Variants in SCUBE3 observed in about 807,000 individuals in gnomAD.
SCUBE3 encodes the protein signal peptide, CUB domain and EGF like domain containing 3.
In SCUBE3, 33 loss-of-function variants were observed where a neutral mutation model predicts 116.8. The observed-to-expected ratio is 0.28, with a 90% CI of 0.21 to 0.38. SCUBE3 has a LOEUF of 0.38. Among genes scored for constraint, SCUBE3 ranks in the 10% least tolerant of loss-of-function variants. The probability of loss-of-function intolerance (pLI) is 1.00; values close to 1 mark genes in which losing one functional copy is unlikely to be tolerated. For synonymous variants in SCUBE3, 418 were observed against 496.9 expected (o/e 0.84, Z 2.11); for missense variants, 1,007 against 1,324.8 (o/e 0.76, Z 3.72).
chr6:35,228,495 T>G lies in SCUBE3; in HGVS notation c.209-119T>G. 1 of 944,104 alleles carries G rather than the reference T, an allele frequency of 1.1e-6. No homozygotes were observed. Among genetic ancestry groups the G allele is most frequent in the South Asian group, 2.4e-5 (1 of 41,548 alleles). The allele number at this position is 944,104 out of a possible 1,614,324, so 58.5% of individuals were successfully genotyped here. ...TTAGGTTTAAATGAAAACAGAAAAA[T>G]GCTAAATGGCTTATAGGCCATGAAC... On this transcript the variant is annotated intron_variant, in intron 2 of 21. Coordinates refer to ENST00000274938, the MANE Select transcript of SCUBE3 (RefSeq NM_152753.4). The surrounding 1 kb of genome is among the most constrained non-coding windows in gnomAD (Gnocchi z 4.9).
At chr6:35,247,724 G>C (rs1454351365) in intron 21 of SCUBE3, among the ~76,000 whole-genome samples, 2 of 152,190 alleles carry the variant, frequency 1.3e-5, no homozygotes, top group Non-Finnish European at 2.9e-5. Flanking sequence ...GTAAGAGGCT[G>C]AAACCCCTAC....
intron 1 of SCUBE3, chr6:35,223,325 T>C (rs1158059056): frequency 6.6e-6 from 1 of 152,252 alleles, no homozygotes; most frequent in Non-Finnish European, 1.5e-5. Flanking sequence ...ATGATGAATA[T>C]TATTCCCACA....
Position 35,235,366 on chromosome 6 carries a change from G to C in SCUBE3, c.712+2065G>C, listed in dbSNP as rs1050478217. On this transcript the variant is annotated intron_variant, in intron 6 of 21. Coordinates refer to ENST00000274938, the MANE Select transcript of SCUBE3 (RefSeq NM_152753.4). This position sits in a 1 kb window ranked among gnomAD's most constrained non-coding sequence, Gnocchi z 4.5. ...GTTTGGGCTGGCAGTGGGGAGGAGA[G>C]GGTGGGGAGGGGTCCGGGGCCAGAG... 3.4e-6 allele frequency: 2 copies of C among 591,078 alleles called. No homozygotes were observed. The highest frequency in any genetic ancestry group is 5.7e-6 in the Non-Finnish European group (2 of 350,952). 36.6% of individuals were successfully genotyped at this position (591,078 alleles called of 1,614,324 possible). A position where few individuals can be genotyped will look rare whatever the true frequency, so the allele number is the denominator to read the frequency against.
Position 35,245,638 on chromosome 6 carries a change from G to A in SCUBE3, c.2599+213G>A, listed in dbSNP as rs976340610. Among the ~76,000 whole-genome samples the A allele has an allele frequency of 1.3e-5, 2 of 152,222 alleles. No homozygotes were observed. The highest frequency in any genetic ancestry group is 4.8e-5 in the African/African-American group (2 of 41,446). On this transcript the variant is annotated intron_variant, in intron 19 of 21. Coordinates refer to ENST00000274938, the MANE Select transcript of SCUBE3 (RefSeq NM_152753.4). The surrounding 1 kb of genome is among the most constrained non-coding windows in gnomAD (Gnocchi z 4.2). ...GAAAACAGAGTTAAGAAAGCTAGCA[G>A]TGGGGCTAGAACTCCAATGGCGTTA...
chr6:35,241,516 T>G lies in SCUBE3; in HGVS notation c.1196-27T>G, dbSNP rs377404556. Reference sequence around the variant, plus strand: ...AACTGAGGGAAAGGAATGCATTCATTTGCTCAGGCCTCTCTCCCCTTCCTA... The same window carrying G: ...AACTGAGGGAAAGGAATGCATTCATGTGCTCAGGCCTCTCTCCCCTTCCTA... On this transcript the variant is annotated intron_variant, in intron 10 of 21. Coordinates refer to ENST00000274938, the MANE Select transcript of SCUBE3 (RefSeq NM_152753.4). This position sits in a 1 kb window ranked among gnomAD's most constrained non-coding sequence, Gnocchi z 4.1. The G allele has an allele frequency of 1.1e-4, 160 of 1,507,596 alleles. No homozygotes were observed. Among genetic ancestry groups the G allele is most frequent in the Non-Finnish European group, 1.4e-4 (157 of 1,083,210 alleles). 93.4% of individuals were successfully genotyped at this position (1,507,596 alleles called of 1,614,324 possible).
Position 35,214,323 on chromosome 6 carries a change from T to A in SCUBE3, c.-96T>A. On this transcript the variant is annotated 5_prime_UTR_variant, in exon 1 of 22. Coordinates refer to ENST00000274938, the MANE Select transcript of SCUBE3 (RefSeq NM_152753.4). This position sits in a 1 kb window ranked among gnomAD's most constrained non-coding sequence, Gnocchi z 6.3. ...GGCCTGGCCCCGGCGGGGCGCCCCC[T>A]CCCCTCCCCCTCCTGCGAGCTGGGA... 2.6e-5 allele frequency: 17 copies of A among 653,500 alleles called. No individual in the cohort carries two copies. The highest frequency in any genetic ancestry group is 4.7e-5 in the South Asian group (1 of 21,062). The allele number at this position is 653,500 out of a possible 1,614,324, so 40.5% of individuals were successfully genotyped here. A position where few individuals can be genotyped will look rare whatever the true frequency, so the allele number is the denominator to read the frequency against.
rs1018554336 is a variant in SCUBE3 at position 35,237,833 on chromosome 6, T to C, written c.713-69T>C. On this transcript the variant is annotated intron_variant, in intron 6 of 21. Transcript: ENST00000274938. Reference sequence around the variant, plus strand: ...TCCCTCGGGCCTCTGTGGTCTCCACTACCCTCAGAGTTTGGGACTCCTCCA... The same window carrying C: ...TCCCTCGGGCCTCTGTGGTCTCCACCACCCTCAGAGTTTGGGACTCCTCCA... 2.3e-5 allele frequency: 22 copies of C among 944,588 alleles called. No individual in the cohort carries two copies. The South Asian group carries it at 3.1e-4, about 13-fold the overall frequency. The allele number at this position is 944,588 out of a possible 1,614,324, so 58.5% of individuals were successfully genotyped here. A position where few individuals can be genotyped will look rare whatever the true frequency, so the allele number is the denominator to read the frequency against.
Position 35,233,391 on chromosome 6 carries a change from GC to G in SCUBE3, c.712+93del. ...CCAGGGAAGTGGAGGAGTGCATGGG[GC>G]CCAGGTGCTGGGCACAGAGGGACTG... On this transcript the variant is annotated intron_variant, in intron 6 of 21. Transcript: ENST00000274938. This position sits in a 1 kb window ranked among gnomAD's most constrained non-coding sequence, Gnocchi z 5.7. 1.2e-6 allele frequency: 1 copy of G among 808,756 alleles called. No homozygotes were observed. The highest frequency in any genetic ancestry group is 2.1e-6 in the Non-Finnish European group (1 of 466,406). 50.1% of individuals were successfully genotyped at this position (808,756 alleles called of 1,614,324 possible).
At chr6:35,215,653 C>G (rs968120884) in intron 1 of SCUBE3, among the ~76,000 whole-genome samples, 2 of 152,162 alleles carry the variant, frequency 1.3e-5, no homozygotes, top group African/African-American at 4.8e-5. Context: ...GCGTTTGGCT[C>G]TTAAGCTGCT....
At position 35,238,066 on chromosome 6, in the gene SCUBE3, T is replaced by G. The variant is rs751708820; in HGVS notation, c.829+48T>G. 5 of 1,142,800 alleles carry G rather than the reference T, an allele frequency of 4.4e-6. No individual in the cohort carries two copies. The Admixed American group carries it at 7.1e-5, about 16-fold the overall frequency. The allele number at this position is 1,142,800 out of a possible 1,614,324, so 70.8% of individuals were successfully genotyped here. ...AGCAGAGTGACCTTTGGTAAGGGGCTGAGGTTGGGACCAGAGATAGGGTGC... is the reference window on the plus strand; with the variant it reads ...AGCAGAGTGACCTTTGGTAAGGGGCGGAGGTTGGGACCAGAGATAGGGTGC... On this transcript the variant is annotated intron_variant, in intron 7 of 21. Coordinates refer to ENST00000274938, the MANE Select transcript of SCUBE3 (RefSeq NM_152753.4).
chr6:35,243,083 A>G lies in SCUBE3; in HGVS notation c.1756A>G (p.Met586Val). 4 of 1,614,206 alleles carry G rather than the reference A, an allele frequency of 2.5e-6. No individual in the cohort carries two copies. Among genetic ancestry groups the G allele is most frequent in the Non-Finnish European group, 3.4e-6 (4 of 1,180,050 alleles). ...MERRLKGSLK[M>V]LRKSINQDRF... is the part of the protein sequence containing the mutation. ...ACGGCGGCTGAAAGGATCCCTGAAG[A>G]TGCTCAGAAAGTCCATCAACCAGGA... is the stretch of plus-strand genomic sequence containing the variant. Residue 586 changes from methionine (M) to valine (V), a missense_variant, in exon 15 of 22, where the codon ATG becomes GTG. Coordinates refer to ENST00000274938, the MANE Select transcript of SCUBE3 (RefSeq NM_152753.4). This position sits in a 1 kb window ranked among gnomAD's most constrained non-coding sequence, Gnocchi z 6.6.
rs1416482111 is a variant in SCUBE3, at chr6:35,252,851, A to C, written c.*4146A>C. 2 of 152,202 alleles carry C rather than the reference A, an allele frequency of 1.3e-5. No individual in the cohort carries two copies. The highest frequency in any genetic ancestry group is 4.8e-5 in the African/African-American group (2 of 41,448). The allele number at this position is 152,202 out of a possible 1,614,324, so 9.4% of individuals were successfully genotyped here. A position where few individuals can be genotyped will look rare whatever the true frequency, so the allele number is the denominator to read the frequency against. On this transcript the variant is annotated 3_prime_UTR_variant, in exon 22 of 22. Transcript: ENST00000274938. Reference sequence around the variant, plus strand: ...TTCAGAATAATCATCGCCATGTGGGAGGCTTTTTGTTAAATGCAGAAGAAA... The same window carrying C: ...TTCAGAATAATCATCGCCATGTGGGCGGCTTTTTGTTAAATGCAGAAGAAA...
At chr6:35,227,810 T>G in intron 2 of SCUBE3, 108 bp downstream of exon 2, 94 of 972,890 alleles carry the variant, frequency 9.7e-5, no homozygotes, top group Middle Eastern at 2.6e-4. Flanking sequence ...GAAATTCCAC[T>G]GGTCAAGTGG....
rs1562046225 is a variant in SCUBE3, at chr6:35,228,874, C to T, written c.334+135C>T. On this transcript the variant is annotated intron_variant, in intron 3 of 21. Coordinates refer to ENST00000274938, the MANE Select transcript of SCUBE3 (RefSeq NM_152753.4). The surrounding 1 kb of genome is among the most constrained non-coding windows in gnomAD (Gnocchi z 4.9). ...ATTCACAAGAGAATAAGGTCAGCCTCCCCTTTGAGACTGGCCACTTAGGAT... is the reference window on the plus strand; with the variant it reads ...ATTCACAAGAGAATAAGGTCAGCCTTCCCTTTGAGACTGGCCACTTAGGAT... The T allele has an allele frequency of 1.1e-6, 1 of 935,140 alleles. No homozygotes were observed. Among genetic ancestry groups the T allele is most frequent in the Admixed American group, 2.0e-5 (1 of 48,958 alleles). The allele number at this position is 935,140 out of a possible 1,614,324, so 57.9% of individuals were successfully genotyped here.
chr6:35,240,900 T>G lies in SCUBE3; in HGVS notation c.1070-241T>G, dbSNP rs946801802. 6.6e-6 allele frequency among the ~76,000 whole-genome samples: 1 copy of G among 152,220 alleles called. No homozygotes were observed. Among genetic ancestry groups the G allele is most frequent in the Non-Finnish European group, 1.5e-5 (1 of 68,046 alleles). ...ATCTTACAGTGCCTAGAATGCCTTT[T>G]TAACTTTTTTAAATTGTAAGAATAT... On this transcript the variant is annotated intron_variant, in intron 9 of 21. Transcript: ENST00000274938. The surrounding 1 kb of genome is among the most constrained non-coding windows in gnomAD (Gnocchi z 4.6).
rs1419274969 is a variant in SCUBE3, at chr6:35,243,986, T to C, written c.2095T>C (p.Ser699Pro). 13 of 1,614,034 alleles carry C rather than the reference T, an allele frequency of 8.1e-6. No homozygotes were observed. Residue 699 changes from serine to proline, a missense_variant, in exon 17 of 22, where the codon TCT becomes CCT. Around this residue, in one of 5 missense-constraint regions of SCUBE3, gnomAD observed 544 missense variants for 638.9 expected, o/e 0.85. Coordinates refer to ENST00000274938, the MANE Select transcript of SCUBE3 (RefSeq NM_152753.4). The surrounding 1 kb of genome is among the most constrained non-coding windows in gnomAD (Gnocchi z 6.6). Reference protein sequence around the residue: ...CAGQCPPGQHSVDGFKPCQPC... With the variant: ...CAGQCPPGQHPVDGFKPCQPC... ...AGGTCAGTGCCCACCTGGCCAACACTCTGTAGATGGGTTCAAGCCCTGTCA... is the reference window on the plus strand; with the variant it reads ...AGGTCAGTGCCCACCTGGCCAACACCCTGTAGATGGGTTCAAGCCCTGTCA...
rs566807383 is a variant in SCUBE3 at position 35,250,561 on chromosome 6, T to C, written c.*1856T>C. The C allele has an allele frequency of 4.6e-5, 7 of 152,310 alleles. No individual in the cohort carries two copies. The highest frequency in any genetic ancestry group is 1.7e-4 in the African/African-American group (7 of 41,562). The allele number at this position is 152,310 out of a possible 1,614,324, so 9.4% of individuals were successfully genotyped here. ...AAGAAAGAATCAAATGGAAGAAGAA[T>C]CAAGTCCATGCCCAAGCCCAAAGCC... On this transcript the variant is annotated 3_prime_UTR_variant, in exon 22 of 22. Transcript: ENST00000274938.
In SCUBE3 at chr6:35,231,867, C is replaced by A; in HGVS notation, c.469+8C>A. The A allele has an allele frequency of 6.2e-7, 1 of 1,604,176 alleles. No individual in the cohort carries two copies. The highest frequency in any genetic ancestry group is 8.5e-7 in the Non-Finnish European group (1 of 1,172,538). On this transcript the variant is annotated splice_region_variant and intron_variant, in intron 4 of 21. Coordinates refer to ENST00000274938, the MANE Select transcript of SCUBE3 (RefSeq NM_152753.4). This position sits in a 1 kb window ranked among gnomAD's most constrained non-coding sequence, Gnocchi z 4.2. ...GTATCCAGCGGCCAGAAGGTCAGCCCATGACCTGGGATGGCCCCATCCCTG... is the reference window on the plus strand; with the variant it reads ...GTATCCAGCGGCCAGAAGGTCAGCCAATGACCTGGGATGGCCCCATCCCTG...
rs779822964 is a variant in SCUBE3, at chr6:35,248,734, TA to T, written c.*31del. 6.2e-6 allele frequency: 10 copies of T among 1,609,252 alleles called. No homozygotes were observed. The highest frequency in any genetic ancestry group is 8.5e-6 in the Non-Finnish European group (10 of 1,176,640). On this transcript the variant is annotated 3_prime_UTR_variant, in exon 22 of 22. Coordinates refer to ENST00000274938, the MANE Select transcript of SCUBE3 (RefSeq NM_152753.4). ...CCCTAGGCTCAGAGACCCAATTTTTTAAGCCCCCAGACTCCTTAGCCCTCAG... is the reference window on the plus strand; with the variant it reads ...CCCTAGGCTCAGAGACCCAATTTTTTAGCCCCCAGACTCCTTAGCCCTCAG...
Sources: gnomAD v4.1 joint callset for allele counts (sites outside exome capture counted in the v4.1 genomes callset) on GRCh38, gnomAD v4.1.1 for gene constraint, gnomAD v4.1.1 regional missense constraint, Gnocchi (gnomAD v3.1) non-coding constraint, MANE v1.5 for transcripts, NCBI Gene and HGNC (gene_info 2026-07-23, HGNC 2026-07-21) for gene names.